RELN: variants seen among roughly 807,000 people sequenced by gnomAD.
The protein encoded by RELN is reelin.
Under a neutral mutation model 427.6 loss-of-function variants are expected in RELN, and 108 were observed. The ratio of observed to expected loss-of-function variants is 0.25; its 90% CI spans 0.22 to 0.30. The LOEUF is 0.30. Ranked by LOEUF, RELN falls within the 10% of genes least tolerant of loss-of-function variation. RELN has a pLI of 1.00. For missense variants in RELN, 3,715 were observed against 4,302.8 expected (o/e 0.86, Z 3.82); for synonymous variants, 1,524 against 1,513.4 (o/e 1.01, Z -0.16).
chr7:103,646,414 C>T (rs1211436773), intron 16 of RELN, among the ~76,000 whole-genome samples: 1 of 151,368 alleles, frequency 6.6e-6, no homozygotes, highest in Non-Finnish European at 1.5e-5. Flanking sequence ...TTCAAATAAG[C>T]AGAATAAAAA....
At position 103,809,025 on chromosome 7, in the gene RELN, AC is replaced by A. The variant is rs895462132; in HGVS notation, c.473+24511del. Among the ~76,000 whole-genome samples, 102 of 152,184 alleles carry A rather than the reference AC, an allele frequency of 6.7e-4. 4 individuals carry two copies. On this transcript the variant is annotated intron_variant, in intron 3 of 64. Coordinates refer to ENST00000428762, the MANE Select transcript of RELN (RefSeq NM_005045.4). Reference sequence around the variant, plus strand: ...CCAGGTTCCTGAGATCAAAGGGAACACCCCAAACAAGTGTAAAGAACAAAAG... The same window carrying A: ...CCAGGTTCCTGAGATCAAAGGGAACACCCAAACAAGTGTAAAGAACAAAAG...
At chr7:103,979,796 T>A (rs1326280064) in intron 1 of RELN, among the ~76,000 whole-genome samples, 1 of 152,228 alleles carries the variant, frequency 6.6e-6, no homozygotes, top group Non-Finnish European at 1.5e-5. Flanking sequence ...CCCACCTACA[T>A]TTTTCAATTC....
At chr7:103,502,508 G>A (rs1223895733) in intron 52 of RELN, among the ~76,000 whole-genome samples, 1 of 152,166 alleles carries the variant, frequency 6.6e-6, no homozygotes, top group African/African-American at 2.4e-5. Flanking sequence ...GCTCATCACT[G>A]GTCCAGGCTA....
In RELN at chr7:103,742,294, G is replaced by C. The variant is rs182226977; in HGVS notation, c.656+7132C>G. 2.8e-3 allele frequency among the ~76,000 whole-genome samples: 425 copies of C among 152,240 alleles called. 2 individuals are homozygous for C. The highest frequency in any genetic ancestry group is 9.9e-3 in the African/African-American group (413 of 41,530). On this transcript the variant is annotated intron_variant, in intron 6 of 64. Transcript: ENST00000428762. ...TCACCATCATCAAAGACCAAAGGTAGCTAAAACCACAAAGATGGGAAAAAA... is the reference window on the plus strand; with the variant it reads ...TCACCATCATCAAAGACCAAAGGTACCTAAAACCACAAAGATGGGAAAAAA...
In RELN at chr7:103,777,606, G is replaced by A. The variant is rs566743868; in HGVS notation, c.474-979C>T. On this transcript the variant is annotated intron_variant, in intron 3 of 64. Transcript: ENST00000428762. Reference sequence around the variant, plus strand: ...GCCTATGTATTCCCCCTTGATATGCGTGCCCTTCCTTCGGTCAACATCTTG... The same window carrying A: ...GCCTATGTATTCCCCCTTGATATGCATGCCCTTCCTTCGGTCAACATCTTG... 9.2e-5 allele frequency among the ~76,000 whole-genome samples: 14 copies of A among 152,206 alleles called. No individual in the cohort carries two copies. In the South Asian group the frequency reaches 1.0e-3, roughly 11 times the overall value.
At chr7:103,844,252 A>G (rs904613421) in intron 2 of RELN, among the ~76,000 whole-genome samples, 4 of 152,152 alleles carry the variant, frequency 2.6e-5, no homozygotes, top group Non-Finnish European at 4.4e-5. Flanking sequence ...CCTAAAAGCT[A>G]CCTCCAATAT....
intron 1 of RELN, among the ~76,000 whole-genome samples, chr7:103,977,798 G>A (rs145546697): frequency 6.6e-6 from 1 of 152,226 alleles, no homozygotes; most frequent in Non-Finnish European, 1.5e-5. Flanking sequence ...AAGTTAGCCA[G>A]AGTTGGTTTC....
intron 28 of RELN, 115 bp from the exon 29 acceptor site, chr7:103,575,820 GT>G: frequency 3.4e-6 from 4 of 1,172,130 alleles, no homozygotes; most frequent in Non-Finnish European, 5.0e-6. Flanking sequence ...TGAAAGTCAT[GT>G]CTGCTTGACT....
intron 1 of RELN, among the ~76,000 whole-genome samples, chr7:103,938,645 T>C (rs1796039732): frequency 1.3e-5 from 2 of 152,220 alleles, no homozygotes; most frequent in African/African-American, 4.8e-5. Flanking sequence ...AAATACATAC[T>C]ATCTTCCAAC....
chr7:103,796,353 G>A (rs1369108104), intron 3 of RELN, among the ~76,000 whole-genome samples: 6 of 152,136 alleles, frequency 3.9e-5, no homozygotes, highest in Admixed American at 2.0e-4. Context: ...ATCAATTAAT[G>A]TTTGCCTAAT....
chr7:103,614,647 T>C (rs540893208), intron 20 of RELN, among the ~76,000 whole-genome samples: 1 of 152,326 alleles, frequency 6.6e-6, no homozygotes, highest in South Asian at 2.1e-4. Flanking sequence ...CAGGACTGCC[T>C]ATTCTAGGAC....
intron 2 of RELN, among the ~76,000 whole-genome samples, chr7:103,852,468 A>G (rs1371304917): frequency 6.6e-6 from 1 of 152,174 alleles, no homozygotes; most frequent in Admixed American, 6.5e-5. Flanking sequence ...CATATGAAAT[A>G]TAGAAGACAA....
intron 10 of RELN, among the ~76,000 whole-genome samples, chr7:103,683,984 C>G (rs1470060635): frequency 6.6e-6 from 1 of 152,142 alleles, no homozygotes; most frequent in African/African-American, 2.4e-5. Flanking sequence ...CTCTGCCATT[C>G]TGAATAGAAC....
intron 46 of RELN, among the ~76,000 whole-genome samples, chr7:103,531,899 A>AGACCTAGAGGCAGAAACGGCATTC (rs1829948110): frequency 6.6e-6 from 1 of 152,190 alleles, no homozygotes; most frequent in African/African-American, 2.4e-5. Context: ...ATTTCCTCAA[A>AGACCTAGAGGCAGAAACGGCATTC]GACCTAGAGG....
intron 1 of RELN, among the ~76,000 whole-genome samples, chr7:103,952,096 C>A (rs1219383271): frequency 6.6e-6 from 1 of 152,240 alleles, no homozygotes; most frequent in Non-Finnish European, 1.5e-5. Context: ...AGTCAGTTCT[C>A]AATAAAATAA....
chr7:103,908,611 A>G (rs898732537), intron 2 of RELN, among the ~76,000 whole-genome samples: 1 of 152,156 alleles, frequency 6.6e-6, no homozygotes, highest in Non-Finnish European at 1.5e-5. Context: ...TTAACAATTT[A>G]TTGGTTAATT....
rs535422325 is a variant in RELN, at chr7:103,723,095, A to G, written c.805+45T>C. ...CCTGATTGCACACTATGTTTAAAGC[A>G]AACATTTCCAAATTAAATCGTTATA... On this transcript the variant is annotated intron_variant, in intron 8 of 64. Transcript: ENST00000428762. 1.6e-5 allele frequency: 20 copies of G among 1,256,334 alleles called. No individual in the cohort carries two copies. The Admixed American group carries it at 3.4e-4, about 21-fold the overall frequency. The allele number at this position is 1,256,334 out of a possible 1,614,324, so 77.8% of individuals were successfully genotyped here.
intron 31 of RELN, among the ~76,000 whole-genome samples, chr7:103,568,108 T>G (rs1480605027): frequency 6.6e-6 from 1 of 152,216 alleles, no homozygotes; most frequent in African/African-American, 2.4e-5. Context: ...ATTCTAACTC[T>G]TTTGGAAAAT....
chr7:103,540,159 TGAC>T (rs1315337685), intron 44 of RELN, 35 bp downstream of exon 44: 1 of 1,612,892 alleles, frequency 6.2e-7, no homozygotes, highest in South Asian at 1.1e-5. Context: ...TCAGCTCAAG[TGAC>T]GACAATTAAA....
Sources: gnomAD v4.1 joint callset for allele counts (sites outside exome capture counted in the v4.1 genomes callset) on GRCh38, gnomAD v4.1.1 for gene constraint, MANE v1.5 for transcripts, NCBI Gene and HGNC (gene_info 2026-07-23, HGNC 2026-07-21) for gene names.